Variants in RSPO2 observed in about 807,000 individuals in gnomAD.
The protein encoded by RSPO2 is R-spondin 2.
In RSPO2, 14 loss-of-function variants were observed where a neutral mutation model predicts 30.9. The ratio of observed to expected loss-of-function variants is 0.45; its 90% CI spans 0.30 to 0.71. The LOEUF (loss-of-function observed/expected upper bound fraction) is 0.71, where lower values mean the gene tolerates loss of function less well. RSPO2 is among the 30% of genes least tolerant of loss of function. The pLI is 0.08. For synonymous variants in RSPO2, 107 were observed against 96.4 expected, an observed-to-expected ratio of 1.11 and a Z score of -0.64; for missense variants, 264 against 301.9, an observed-to-expected ratio of 0.87 and a Z score of 0.93.
chr8:107,998,238 A>C (rs1815096711), intron 2 of RSPO2, among the ~76,000 whole-genome samples: 1 of 151,922 alleles, frequency 6.6e-6, no homozygotes, highest in Non-Finnish European at 1.5e-5. Context: ...TGAGAGAGGT[A>C]GGGGGGAAAC....
chr8:108,004,505 C>T (rs960483849), intron 2 of RSPO2, among the ~76,000 whole-genome samples: 3 of 152,118 alleles, frequency 2.0e-5, no homozygotes, highest in African/African-American at 7.2e-5. Flanking sequence ...TGCATGAAAG[C>T]CAGAGGAATG....
chr8:107,959,501 T>G (rs538662412), intron 4 of RSPO2, among the ~76,000 whole-genome samples: 12 of 152,202 alleles, frequency 7.9e-5, no homozygotes, highest in Non-Finnish European at 1.5e-4. Flanking sequence ...GTCCAGAGTC[T>G]GCATACAATT....
At chr8:107,911,656 TACAGCA>T (rs1170516125) in intron 5 of RSPO2, among the ~76,000 whole-genome samples, 1 of 152,180 alleles carries the variant, frequency 6.6e-6, no homozygotes, top group Non-Finnish European at 1.5e-5. Context: ...TTCTAATCCT[TACAGCA>T]ACTCGCAAAG....
At chr8:108,081,993 T>TC (rs1464698875) in intron 2 of RSPO2, 11 of 910,646 alleles carry the variant, frequency 1.2e-5, no homozygotes, top group Non-Finnish European at 1.4e-5. Flanking sequence ...AGGGAGGTCC[T>TC]CCCCCTCGAC....
chr8:108,074,495 A>T (rs1021098969), intron 2 of RSPO2, among the ~76,000 whole-genome samples: 5 of 152,206 alleles, frequency 3.3e-5, no homozygotes, highest in South Asian at 2.1e-4. Flanking sequence ...AAATAATTTT[A>T]AAAATTACCA....
intron 2 of RSPO2, among the ~76,000 whole-genome samples, chr8:108,080,520 C>T (rs1309266928): frequency 6.6e-6 from 1 of 152,122 alleles, no homozygotes; most frequent in Non-Finnish European, 1.5e-5. Context: ...TAAAAGTAAG[C>T]TTTGAAATAA....
intron 3 of RSPO2, among the ~76,000 whole-genome samples, chr8:107,974,688 G>T (rs1044426390): frequency 2.0e-5 from 3 of 152,076 alleles, no homozygotes; most frequent in African/African-American, 7.2e-5. Context: ...GTGGGAGGGA[G>T]AGAGACAGGG....
chr8:107,996,561 C>T (rs1203871520), intron 2 of RSPO2, among the ~76,000 whole-genome samples: 2 of 152,148 alleles, frequency 1.3e-5, no homozygotes, highest in Non-Finnish European at 2.9e-5. Flanking sequence ...TACAAGTACA[C>T]AGCAGAATGG....
intron 2 of RSPO2, among the ~76,000 whole-genome samples, chr8:108,068,387 A>G (rs1020658425): frequency 1.3e-5 from 2 of 152,202 alleles, no homozygotes; most frequent in African/African-American, 4.8e-5. Context: ...CTCTGTAGCT[A>G]TATGCAGTGA....
chr8:108,025,729 C>G (rs1325171699), intron 2 of RSPO2, among the ~76,000 whole-genome samples: 1 of 151,926 alleles, frequency 6.6e-6, no homozygotes, highest in African/African-American at 2.4e-5. Context: ...ACTATGTTGC[C>G]CAGGCTGGTC....
intron 2 of RSPO2, among the ~76,000 whole-genome samples, chr8:108,073,833 T>C (rs78588432): frequency 2.0e-5 from 3 of 152,314 alleles, no homozygotes; most frequent in Non-Finnish European, 2.9e-5. Flanking sequence ...TTGTTAAATA[T>C]AAACATAGCA....
intron 2 of RSPO2, among the ~76,000 whole-genome samples, chr8:108,004,812 A>C (rs533248999): frequency 6.6e-6 from 1 of 152,230 alleles, no homozygotes; most frequent in African/African-American, 2.4e-5. Flanking sequence ...TACCTCTAAA[A>C]TTTTTCAGTA....
At chr8:108,047,387 C>T (rs1051692416) in intron 2 of RSPO2, among the ~76,000 whole-genome samples, 1 of 152,186 alleles carries the variant, frequency 6.6e-6, no homozygotes, top group African/African-American at 2.4e-5. Context: ...GAAGTGCTAT[C>T]TTGTGATAAT....
chr8:107,956,584 A>G (rs982639188), intron 5 of RSPO2, among the ~76,000 whole-genome samples: 4 of 152,180 alleles, frequency 2.6e-5, no homozygotes, highest in Non-Finnish European at 5.9e-5. Flanking sequence ...GGCTAGGTCA[A>G]AATAAAGAGT....
At chr8:107,978,569 TAAAAACCCTAGAA>T (rs1814300149) in intron 3 of RSPO2, among the ~76,000 whole-genome samples, 1 of 152,070 alleles carries the variant, frequency 6.6e-6, no homozygotes, top group Non-Finnish European at 1.5e-5. Flanking sequence ...CCTAAAACCA[TAAAAACCCTAGAA>T]GAAAACCTAG....
intron 1 of RSPO2, 172 bp downstream of exon 1, chr8:108,083,025 G>A (rs1813262944): frequency 5.2e-6 from 1 of 193,542 alleles, no homozygotes; most frequent in Non-Finnish European, 1.0e-5. Flanking sequence ...CCTCTGCCGA[G>A]CCCTAAGCTC....
chr8:107,957,780 A>G (rs528199102), intron 5 of RSPO2, among the ~76,000 whole-genome samples: 2 of 152,294 alleles, frequency 1.3e-5, no homozygotes, highest in East Asian at 3.9e-4. Flanking sequence ...ACCCGCTTTT[A>G]TGGTACATTT....
chr8:108,026,675 T>C (rs1049525342), intron 2 of RSPO2, among the ~76,000 whole-genome samples: 1 of 152,156 alleles, frequency 6.6e-6, no homozygotes, highest in Non-Finnish European at 1.5e-5. Flanking sequence ...GAGAACAGCC[T>C]GGCCAATATG....
In RSPO2 at chr8:108,020,604, A is replaced by T. The variant is rs183307128; in HGVS notation, c.95-31360T>A. ...TTTTTTTAGTTTTTCCTCATAATTT[A>T]AGACTCATTTGAACTCTTTTTCATA... On this transcript the variant is annotated intron_variant, in intron 2 of 5. Transcript: ENST00000276659. Among the ~76,000 whole-genome samples the T allele has an allele frequency of 2.5e-3, 374 of 152,260 alleles. 1 individual carries two copies. The highest frequency in any genetic ancestry group is 8.3e-3 in the African/African-American group (344 of 41,532).
Sources: gnomAD v4.1 joint callset for allele counts (sites outside exome capture counted in the v4.1 genomes callset) on GRCh38, gnomAD v4.1.1 for gene constraint, MANE v1.5 for transcripts, NCBI Gene and HGNC (gene_info 2026-07-23, HGNC 2026-07-21) for gene names.